The following CSMD1 variants were observed in gnomAD, a reference collection of about 807,000 sequenced individuals.
CSMD1 encodes the protein CUB and Sushi multiple domains 1, also known as CUB and sushi domain-containing protein 1.
CSMD1 carries 213 observed loss-of-function variants against 417.5 expected under a neutral mutation model. The observed-to-expected ratio is 0.51, with a 90% CI of 0.46 to 0.57. The LOEUF (loss-of-function observed/expected upper bound fraction) is 0.57, where lower values mean the gene tolerates loss of function less well. Among genes scored for constraint, CSMD1 ranks in the 20% least tolerant of loss-of-function variants. CSMD1 has a pLI of 0.00. For missense variants in CSMD1, 6,923 were observed against 4,529.7 expected, an observed-to-expected ratio of 1.53 and a Z score of -15.17; for synonymous variants, 2,862 against 1,736.8, an observed-to-expected ratio of 1.65 and a Z score of -16.11.
intron 7 of CSMD1, among the ~76,000 whole-genome samples, chr8:3,661,795 C>T (rs1798433075): frequency 6.6e-6 from 1 of 152,296 alleles, no homozygotes; most frequent in Admixed American, 6.5e-5. Context: ...CCATGACCGG[C>T]AAACTCCTTT....
chr8:3,910,927 T>C (rs1208717962), intron 5 of CSMD1, among the ~76,000 whole-genome samples: 1 of 152,226 alleles, frequency 6.6e-6, no homozygotes, highest in East Asian at 1.9e-4. Flanking sequence ...AGAACTGTTA[T>C]TAGCTTGATT....
At chr8:3,792,595 CTCT>C (rs942642285) in intron 5 of CSMD1, among the ~76,000 whole-genome samples, 7 of 152,120 alleles carry the variant, frequency 4.6e-5, no homozygotes, top group African/African-American at 1.4e-4. Flanking sequence ...ACATACCTTC[CTCT>C]TCCTTTCACC....
chr8:3,191,001 A>G (rs1796387581), intron 33 of CSMD1, among the ~76,000 whole-genome samples: 1 of 152,222 alleles, frequency 6.6e-6, no homozygotes. Context: ...TTGAGTGGCT[A>G]TAAAGTTTCA....
In CSMD1 at chr8:4,860,081, TA is replaced by T. The variant is rs1046779792; in HGVS notation, c.85+134250del. ...TACACCATGGAATACTATGCAGCCA[TA>T]AAAAAATGATGAGTTCACGTCCTTT... is the stretch of plus-strand genomic sequence containing the variant. On this transcript the variant is annotated intron_variant, in intron 1 of 69. Coordinates refer to ENST00000635120, the MANE Select transcript of CSMD1 (RefSeq NM_033225.6). Among the ~76,000 whole-genome samples, 233 of 151,440 alleles carry T rather than the reference TA, an allele frequency of 1.5e-3. 2 individuals carry two copies. Among genetic ancestry groups the T allele is most frequent in the African/African-American group, 3.2e-3 (132 of 41,036 alleles).
rs527861039 is a variant in CSMD1 at position 2,966,579 on chromosome 8, C to T, written c.9091G>A (p.Asp3031Asn). Residue 3031 changes from aspartate to asparagine, a missense_variant, in exon 58 of 70, where the codon GAC becomes AAC. Coordinates refer to ENST00000635120, the MANE Select transcript of CSMD1 (RefSeq NM_033225.6). ...ATGTCTGCTTACTAACTTGTGCAGTCGGGAGCAGTGCCTGTCCAGGTCCCA... is the reference window on the plus strand; with the variant it reads ...ATGTCTGCTTACTAACTTGTGCAGTTGGGAGCAGTGCCTGTCCAGGTCCCA... Reference protein sequence around the residue: ...ANGTWTGTAPDCTIISCGDPG... With the variant: ...ANGTWTGTAPNCTIISCGDPG... The T allele has an allele frequency of 2.2e-5, 36 of 1,613,346 alleles. No homozygotes were observed. In the Middle Eastern group the frequency reaches 2.0e-3, roughly 89 times the overall value.
At chr8:4,113,972 A>T (rs1801997188) in intron 3 of CSMD1, among the ~76,000 whole-genome samples, 1 of 152,236 alleles carries the variant, frequency 6.6e-6, no homozygotes, top group Non-Finnish European at 1.5e-5. Flanking sequence ...TAAAAGTTCC[A>T]GGTGAAGCAG....
chr8:4,608,986 A>T (rs950367455), intron 2 of CSMD1, among the ~76,000 whole-genome samples: 1 of 151,818 alleles, frequency 6.6e-6, no homozygotes, highest in Non-Finnish European at 1.5e-5. Context: ...TGAGGTGCTC[A>T]AAGGAATGTG....
rs1813562431 is a variant in CSMD1, at chr8:3,977,887, A to T, written c.818+20016T>A. On this transcript the variant is annotated intron_variant, in intron 5 of 69. Transcript: ENST00000635120. The stretch of plus-strand genomic sequence containing the variant: ...GGCTGAGAATAAATTTAATAAACTC[A>T]AGAATGGTAACTGACCTCCAATTTC... Among the ~76,000 whole-genome samples the T allele has an allele frequency of 1.3e-5, 2 of 152,194 alleles. 1 individual carries two copies. Among genetic ancestry groups the T allele is most frequent in the African/African-American group, 4.8e-5 (2 of 41,450 alleles).
chr8:4,274,454 T>G (rs139278061), intron 3 of CSMD1, among the ~76,000 whole-genome samples: 2 of 152,166 alleles, frequency 1.3e-5, no homozygotes, highest in Non-Finnish European at 2.9e-5. Context: ...TGATTAATCG[T>G]CAGCACAGTC....
intron 3 of CSMD1, among the ~76,000 whole-genome samples, chr8:4,389,828 G>A (rs772540751): frequency 6.6e-6 from 1 of 152,024 alleles, no homozygotes; most frequent in Non-Finnish European, 1.5e-5. Context: ...GTACTCTAAA[G>A]CATAATGTCT....
chr8:4,168,403 A>C (rs919034234), intron 3 of CSMD1, among the ~76,000 whole-genome samples: 1 of 151,918 alleles, frequency 6.6e-6, no homozygotes, highest in African/African-American at 2.4e-5. Context: ...TCTCTCTCTC[A>C]ATATATATTT....
chr8:3,082,206 C>T (rs1814152257), intron 49 of CSMD1, among the ~76,000 whole-genome samples: 1 of 152,194 alleles, frequency 6.6e-6, no homozygotes, highest in African/African-American at 2.4e-5. Flanking sequence ...TCGTGTCTTC[C>T]AGACAGGATG....
intron 3 of CSMD1, among the ~76,000 whole-genome samples, chr8:4,179,326 G>A (rs1251333101): frequency 6.6e-6 from 1 of 152,164 alleles, no homozygotes; most frequent in Non-Finnish European, 1.5e-5. Context: ...AAGCAATGGG[G>A]GAAGGATTCC....
intron 3 of CSMD1, among the ~76,000 whole-genome samples, chr8:4,105,117 C>A (rs1801502090): frequency 6.6e-6 from 1 of 152,118 alleles, no homozygotes; most frequent in Non-Finnish European, 1.5e-5. Flanking sequence ...CCTTAGCTCC[C>A]TACATGTAAT....
chr8:4,444,983 C>A (rs895796718), intron 2 of CSMD1, among the ~76,000 whole-genome samples: 3 of 152,172 alleles, frequency 2.0e-5, no homozygotes, highest in Non-Finnish European at 2.9e-5. Flanking sequence ...AATGTTATTT[C>A]CCTTCTCTTG....
chr8:4,159,309 C>G (rs1797013771), intron 3 of CSMD1, among the ~76,000 whole-genome samples: 1 of 152,114 alleles, frequency 6.6e-6, no homozygotes, highest in South Asian at 2.1e-4. Flanking sequence ...ATTTTAAAAG[C>G]TAAATTAATG....
intron 1 of CSMD1, among the ~76,000 whole-genome samples, chr8:4,896,096 T>A (rs1173458224): frequency 6.6e-6 from 1 of 152,126 alleles, no homozygotes; most frequent in Non-Finnish European, 1.5e-5. Flanking sequence ...TCTGAAAATT[T>A]TTTTCTGCCT....
At position 3,189,131 on chromosome 8, in the gene CSMD1, G is replaced by A. The variant is rs771642380; in HGVS notation, c.5399-120C>T. Reference sequence around the variant, plus strand: ...AGAAAATGTACATGAACAATGATACGTTAAACGGCACTTTTAGCCAAGGTA... The same window carrying A: ...AGAAAATGTACATGAACAATGATACATTAAACGGCACTTTTAGCCAAGGTA... On this transcript the variant is annotated intron_variant, in intron 34 of 69. Coordinates refer to ENST00000635120, the MANE Select transcript of CSMD1 (RefSeq NM_033225.6). 4.2e-5 allele frequency: 37 copies of A among 872,848 alleles called. 1 individual carries two copies. Among genetic ancestry groups the A allele is most frequent in the Non-Finnish European group, 5.5e-5 (33 of 599,250 alleles). The allele number at this position is 872,848 out of a possible 1,614,324, so 54.1% of individuals were successfully genotyped here.
intron 7 of CSMD1, among the ~76,000 whole-genome samples, chr8:3,640,421 A>C (rs1298137156): frequency 6.6e-6 from 1 of 152,244 alleles, no homozygotes; most frequent in Non-Finnish European, 1.5e-5. Context: ...TAAAGACCAG[A>C]GACCATCTTT....
Sources: gnomAD v4.1 joint callset for allele counts (sites outside exome capture counted in the v4.1 genomes callset) on GRCh38, gnomAD v4.1.1 for gene constraint, MANE v1.5 for transcripts, NCBI Gene and HGNC (gene_info 2026-07-23, HGNC 2026-07-21) for gene names.